TSHZ2: variants seen among roughly 807,000 people sequenced by gnomAD.
TSHZ2 encodes teashirt zinc finger homeobox 2.
A neutral mutation model predicts 74.4 loss-of-function variants in TSHZ2; 21 were observed. That is an observed-to-expected ratio of 0.28 (90% CI 0.20 to 0.41). The LOEUF (loss-of-function observed/expected upper bound fraction) is 0.41, where lower values mean the gene tolerates loss of function less well. TSHZ2 is among the 10% of genes least tolerant of loss of function. The pLI is 1.00. For missense variants in TSHZ2, 1,244 were observed against 1,293.5 expected (o/e 0.96, Z 0.59); for synonymous variants, 540 against 515.3 (o/e 1.05, Z -0.65).
chr20:53,252,587 T>C (rs7345895), intron 1 of TSHZ2, among the ~76,000 whole-genome samples: 108,863 of 152,112 alleles, frequency 0.72, 39,330 homozygotes, highest in African/African-American at 0.83. Flanking sequence ...TTTCCCTATG[T>C]AATTACTGGT....
chr20:53,326,760 G>C (rs1979510541), intron 2 of TSHZ2, among the ~76,000 whole-genome samples: 1 of 152,198 alleles, frequency 6.6e-6, no homozygotes, highest in Non-Finnish European at 1.5e-5. Flanking sequence ...TGTGACTCTT[G>C]AAGAAAGTAA....
intron 1 of TSHZ2, among the ~76,000 whole-genome samples, chr20:53,231,438 A>C (rs980081372): frequency 1.4e-4 from 21 of 152,230 alleles, no homozygotes; most frequent in African/African-American, 4.8e-4. Context: ...ACATTAGTTC[A>C]TTGATGTGGC....
intron 1 of TSHZ2, among the ~76,000 whole-genome samples, chr20:53,039,460 ATATT>A (rs1272798320): frequency 6.6e-6 from 1 of 152,162 alleles, no homozygotes; most frequent in Non-Finnish European, 1.5e-5. Context: ...AATTGAACAA[ATATT>A]TATAGGCCTC....
At chr20:53,466,884 T>G (rs1173450180) in intron 2 of TSHZ2, among the ~76,000 whole-genome samples, 1 of 152,244 alleles carries the variant, frequency 6.6e-6, no homozygotes, top group Non-Finnish European at 1.5e-5. Context: ...ATAGCTTTAC[T>G]GAGCAATGTG....
intron 2 of TSHZ2, among the ~76,000 whole-genome samples, chr20:53,361,364 T>C (rs1373813837): frequency 6.6e-6 from 1 of 152,236 alleles, no homozygotes; most frequent in Non-Finnish European, 1.5e-5. Flanking sequence ...TGGTGATAAA[T>C]GATAGCTCCT....
chr20:53,313,612 C>G (rs546495048), intron 2 of TSHZ2, among the ~76,000 whole-genome samples: 3 of 152,298 alleles, frequency 2.0e-5, no homozygotes. Context: ...AAATTTGTCT[C>G]GTCTATGGAA....
rs59907513 is a variant in TSHZ2 at position 53,321,683 on chromosome 20, C to CAAAAAA, written c.*8+65124_*8+65129dup. Among the ~76,000 whole-genome samples the CAAAAAA allele has an allele frequency of 2.9e-4, 17 of 58,292 alleles. 1 individual carries two copies. The highest frequency in any genetic ancestry group is 1.2e-3 in the African/African-American group (14 of 11,992). The allele number at this position is 58,292 out of a possible 152,430, so 38.2% of individuals were successfully genotyped here. ...TGGGCAACAGGGCGAGACTCCATCT[C>CAAAAAA]AAAAAAAAAAAAAAAAAGAAAGACA... On this transcript the variant is annotated intron_variant, in intron 2 of 2. Transcript: ENST00000371497.
chr20:53,273,114 TG>T (rs1224326892), intron 2 of TSHZ2, among the ~76,000 whole-genome samples: 1 of 152,198 alleles, frequency 6.6e-6, no homozygotes, highest in African/African-American at 2.4e-5. Context: ...CATCCAGTGG[TG>T]GGACATGAAT....
intron 1 of TSHZ2, among the ~76,000 whole-genome samples, chr20:53,152,568 CT>C (rs1208562983): frequency 1.3e-5 from 2 of 152,154 alleles, no homozygotes; most frequent in Non-Finnish European, 2.9e-5. Flanking sequence ...TTGAGAGAAG[CT>C]AGAAATTCAG....
intron 1 of TSHZ2, among the ~76,000 whole-genome samples, chr20:53,187,359 A>G (rs1174865795): frequency 3.3e-5 from 5 of 152,212 alleles, no homozygotes; most frequent in South Asian, 4.1e-4. Flanking sequence ...TTCTGATATA[A>G]TATCGTGTTA....
intron 2 of TSHZ2, among the ~76,000 whole-genome samples, chr20:53,362,191 T>TG (rs59732618): frequency 0.015 from 606 of 40,162 alleles, 5 homozygotes; most frequent in Non-Finnish European, 0.021. Flanking sequence ...GTTGTTTTTT[T>TG]GTTTTTTTTT....
intron 2 of TSHZ2, among the ~76,000 whole-genome samples, chr20:53,480,066 TTTG>T (rs1986107453): frequency 2.1e-5 from 2 of 93,898 alleles, no homozygotes; most frequent in Admixed American, 1.2e-4. Context: ...AACCCAGGTT[TTTG>T]TTTTTTTTTT....
intron 2 of TSHZ2, among the ~76,000 whole-genome samples, chr20:53,294,249 C>T (rs762850076): frequency 6.6e-6 from 1 of 152,162 alleles, no homozygotes; most frequent in Non-Finnish European, 1.5e-5. Flanking sequence ...AATAACAAAA[C>T]ATGGTAAAGC....
chr20:53,083,518 G>A (rs536519690), intron 1 of TSHZ2, among the ~76,000 whole-genome samples: 1 of 152,304 alleles, frequency 6.6e-6, no homozygotes, highest in Non-Finnish European at 1.5e-5. Flanking sequence ...GCCAAAAAAG[G>A]ACTATCAGAT....
intron 2 of TSHZ2, among the ~76,000 whole-genome samples, chr20:53,407,796 T>C (rs1464035555): frequency 2.0e-5 from 3 of 152,252 alleles, no homozygotes; most frequent in African/African-American, 7.2e-5. Flanking sequence ...AAACTCATTA[T>C]ACAGCACAAA....
chr20:53,127,395 G>T (rs1262777822), intron 1 of TSHZ2, among the ~76,000 whole-genome samples: 1 of 152,258 alleles, frequency 6.6e-6, no homozygotes, highest in East Asian at 1.9e-4. Flanking sequence ...ATTGTAACAA[G>T]GGAGAGGATA....
At chr20:53,081,701 C>T (rs138731654) in intron 1 of TSHZ2, among the ~76,000 whole-genome samples, 22 of 152,228 alleles carry the variant, frequency 1.4e-4, no homozygotes, top group Non-Finnish European at 2.4e-4. Context: ...CTGCATAAAA[C>T]GGTGCTACTG....
chr20:53,132,542 A>G (rs1455388771), intron 1 of TSHZ2, among the ~76,000 whole-genome samples: 1 of 152,088 alleles, frequency 6.6e-6, no homozygotes, highest in Non-Finnish European at 1.5e-5. Flanking sequence ...AGCCTCCCAG[A>G]GTGCTGTGAT....
At chr20:53,320,386 T>C (rs1979210154) in intron 2 of TSHZ2, among the ~76,000 whole-genome samples, 1 of 152,256 alleles carries the variant, frequency 6.6e-6, no homozygotes, top group African/African-American at 2.4e-5. Context: ...ATCTTCAGGA[T>C]TTTTGCCTCT....
Sources: allele counts gnomAD v4.1 joint callset (sites outside exome capture counted in the v4.1 genomes callset), GRCh38; gene constraint gnomAD v4.1.1; transcripts MANE v1.5; gene names NCBI Gene and HGNC (gene_info 2026-07-23, HGNC 2026-07-21).